The following TTN variants were observed in gnomAD, a reference collection of about 807,000 sequenced individuals.
TTN encodes titin, also known as connectin.
In TTN, 1,525 loss-of-function variants were observed where a neutral mutation model predicts 3,223.0. The ratio of observed to expected loss-of-function variants is 0.47; its 90% CI spans 0.45 to 0.49. The LOEUF (loss-of-function observed/expected upper bound fraction) is 0.49, where lower values mean the gene tolerates loss of function less well. Ranked by LOEUF, TTN falls within the 20% of genes least tolerant of loss-of-function variation. TTN has a pLI of 0.00. For missense variants in TTN, 40,786 were observed against 43,424.0 expected (o/e 0.94, Z 5.40); for synonymous variants, 14,094 against 15,161.0 (o/e 0.93, Z 5.17).
At position 178,559,669 on chromosome 2, in the gene TTN, T is replaced by C. The variant is rs368268066; in HGVS notation, c.86463A>G (p.Gly28821=). 109 of 1,612,058 alleles carry C rather than the reference T, an allele frequency of 6.8e-5. No homozygotes were observed. The highest frequency in any genetic ancestry group is 9.1e-5 in the Non-Finnish European group (107 of 1,179,078). ...TIENANRNDS[G]KYTLTIQNVL... ...CATTCTGAATTGTTAATGTGTACTTTCCAGAGTCATTTCTGTTGGCATTTT... is the reference window on the plus strand; with the variant it reads ...CATTCTGAATTGTTAATGTGTACTTCCCAGAGTCATTTCTGTTGGCATTTT... Residue 28821 remains glycine, a synonymous_variant, in exon 326 of 363, where the codon GGA becomes GGG. Transcript: ENST00000589042.
Position 178,570,167 on chromosome 2 carries a change from A to G in TTN, c.75965T>C (p.Ile25322Thr). ...AGATGCTGGTCTTTCCCATACAACA[A>G]TCATTGAGTCCTTGGTCACTGTTGT... ...EVTTVTKDSMIVVWERPASDG... is the reference protein window; with the variant it reads ...EVTTVTKDSMTVVWERPASDG... Residue 25322 changes from isoleucine (I) to threonine (T), a missense_variant, in exon 326 of 363, where the codon ATT (isoleucine) becomes ACT (threonine). Ile to Thr is a moderately conservative substitution (Grantham distance 89). Coordinates refer to ENST00000589042, the MANE Select transcript of TTN (RefSeq NM_001267550.2). 2.5e-6 allele frequency: 4 copies of G among 1,613,458 alleles called. No individual in the cohort carries two copies. Among genetic ancestry groups the G allele is most frequent in the Non-Finnish European group, 3.4e-6 (4 of 1,179,584 alleles).
chr2:178,776,317 T>G lies in TTN; in HGVS notation c.5547A>C (p.Pro1849=), dbSNP rs2092220567. The change falls in exon 28 of 363, where the codon CCA becomes CCC. Residue 1849 remains proline (P), a synonymous_variant. Transcript: ENST00000589042. ...QKPDIVLYPE[P]VRVLEGETAR... ...CAGTCTCCCCTTCAAGTACTCTAACTGGCTCTGGGTACAAGACAATGTCTG... is the reference window on the plus strand; with the variant it reads ...CAGTCTCCCCTTCAAGTACTCTAACGGGCTCTGGGTACAAGACAATGTCTG... 1 of 1,613,924 alleles carries G rather than the reference T, an allele frequency of 6.2e-7. No homozygotes were observed. Among genetic ancestry groups the G allele is most frequent in the Non-Finnish European group, 8.5e-7 (1 of 1,180,000 alleles).
At position 178,637,187 on chromosome 2, in the gene TTN, A is replaced by ATATCTATATATCTATC. The variant is rs1164479649; in HGVS notation, c.40927+181_40927+182insGATAGATATATAGATA. Among the ~76,000 whole-genome samples the ATATCTATATATCTATC allele has an allele frequency of 6.3e-4, 79 of 125,280 alleles. 1 individual carries two copies. The highest frequency in any genetic ancestry group is 2.4e-3 in the African/African-American group (78 of 32,840). 82.2% of individuals were successfully genotyped at this position (125,280 alleles called of 152,430 possible). On this transcript the variant is annotated intron_variant, in intron 224 of 362. Transcript: ENST00000589042. The stretch of plus-strand genomic sequence containing the variant: ...TATATATATATATATATATATATAT[A>ATATCTATATATCTATC]TATCTCCTTGCATAATACTAAAAGT...
At chr2:178,777,643 T>C in intron 25 of TTN, 59 bp from the exon 26 acceptor site, 1 of 1,613,568 alleles carries the variant, frequency 6.2e-7, no homozygotes, top group Middle Eastern at 1.7e-4. Context: ...AATTGTTAGA[T>C]GCATACATAA....
At position 178,575,157 on chromosome 2, in the gene TTN, C is replaced by T. The variant is rs376256345; in HGVS notation, c.70975G>A (p.Gly23659Ser). Residue 23659 changes from glycine to serine, a missense_variant, in exon 326 of 363, where the codon GGT (glycine) becomes AGT (serine). Transcript: ENST00000589042. This position sits in a 1 kb window ranked among gnomAD's most constrained non-coding sequence, Gnocchi z 4.0. ...CATGTCACTGTGGGCTTCGGTCGAC[C>T]GAGCACTGGAATTTCAACTTTGATG... ...DNIKVEIPVL[G>S]RPKPTVTWKK... is the part of the protein sequence containing the mutation. 55 of 1,612,450 alleles carry T rather than the reference C, an allele frequency of 3.4e-5. No homozygotes were observed. The highest frequency in any genetic ancestry group is 2.2e-4 in the Admixed American group (13 of 59,898).
chr2:178,621,594 T>C lies in TTN; in HGVS notation c.45230A>G (p.Glu15077Gly). ...DEEIIETGRYEILTEGRKRIL... is the reference protein window; with the variant it reads ...DEEIIETGRYGILTEGRKRIL... ...TCTCTTCCGTCCTTCAGTCAGTATT[T>C]CATATCTTCCTGTTTCAATGATCTC... is the stretch of plus-strand genomic sequence containing the variant. Residue 15077 changes from glutamate (E) to glycine (G), a missense_variant, in exon 245 of 363, where the codon GAA becomes GGA. Coordinates refer to ENST00000589042, the MANE Select transcript of TTN (RefSeq NM_001267550.2). The C allele has an allele frequency of 1.2e-6, 2 of 1,612,514 alleles. No individual in the cohort carries two copies. The highest frequency in any genetic ancestry group is 1.7e-6 in the Non-Finnish European group (2 of 1,179,086).
In TTN at chr2:178,528,261, A is replaced by T. The variant is rs758829300; in HGVS notation, c.107377+13T>A. On this transcript the variant is annotated intron_variant, in intron 361 of 362. Transcript: ENST00000589042. Reference sequence around the variant, plus strand: ...CTTAAACATGTAAGGAAGAAGGGTGAGGAGATACTTACGAAGGACCATTAA... The same window carrying T: ...CTTAAACATGTAAGGAAGAAGGGTGTGGAGATACTTACGAAGGACCATTAA... The T allele has an allele frequency of 6.2e-7, 1 of 1,612,842 alleles. No individual in the cohort carries two copies. Among genetic ancestry groups the T allele is most frequent in the East Asian group, 2.2e-5 (1 of 44,868 alleles).
chr2:178,684,521 C>T (rs2070310694), intron 131 of TTN, 108 bp from the exon 132 acceptor site: 2 of 1,382,946 alleles, frequency 1.4e-6, no homozygotes, highest in East Asian at 4.7e-5. Context: ...AAGGCACACA[C>T]ACAAAAACAT....
Position 178,790,708 on chromosome 2 carries a change from C to G in TTN, c.1800G>C (p.Lys600Asn). 1 of 1,614,008 alleles carries G rather than the reference C, an allele frequency of 6.2e-7. No individual in the cohort carries two copies. Among genetic ancestry groups the G allele is most frequent in the South Asian group, 1.1e-5 (1 of 91,068 alleles). ...TTTCACATTGGCAGGAAGTCATCAC[C>G]TTTTCATAACTTAGGTGCATTTGAT... ...QQDQMHLSYE[K>N]IMKETRKTVV... The change falls in exon 11 of 363, where the codon AAG (lysine) becomes AAC (asparagine). Residue 600 changes from lysine to asparagine, a missense_variant and splice_region_variant. Coordinates refer to ENST00000589042, the MANE Select transcript of TTN (RefSeq NM_001267550.2).
chr2:178,616,347 A>G, intron 257 of TTN, 132 bp downstream of exon 257: 6 of 1,247,474 alleles, frequency 4.8e-6, no homozygotes, highest in East Asian at 2.4e-5. Flanking sequence ...CATTCTTAAA[A>G]AGTTTTTGTA....
At chr2:178,786,702 C>A (rs1040000247) in intron 13 of TTN, among the ~76,000 whole-genome samples, 1 of 152,126 alleles carries the variant, frequency 6.6e-6, no homozygotes, top group Non-Finnish European at 1.5e-5. Context: ...TTATGATTCC[C>A]TAAGGGTAAG....
chr2:178,542,052 TA>T (rs541692347), intron 349 of TTN: 1,653 of 425,460 alleles, frequency 3.9e-3, no homozygotes, highest in East Asian at 5.3e-3. Flanking sequence ...GTGAAGATAT[TA>T]AAAAAAAAAT....
At chr2:178,642,128 A>T in intron 219 of TTN, 109 bp downstream of exon 219, 2 of 841,082 alleles carry the variant, frequency 2.4e-6, no homozygotes, top group Non-Finnish European at 3.4e-6. Context: ...AATTTTGATA[A>T]ATAGCGAACC....
chr2:178,650,304 T>C, intron 209 of TTN, 33 bp from the exon 210 acceptor site: 1 of 1,500,182 alleles, frequency 6.7e-7, no homozygotes, highest in Non-Finnish European at 9.0e-7. Context: ...TATTTCAATG[T>C]ATGGAACAAT....
Position 178,717,535 on chromosome 2 carries a change from G to A in TTN, c.25339C>T (p.Leu8447Phe). 6.2e-7 allele frequency: 1 copy of A among 1,604,628 alleles called. No homozygotes were observed. The highest frequency in any genetic ancestry group is 8.5e-7 in the Non-Finnish European group (1 of 1,174,356). Residue 8447 changes from leucine to phenylalanine, a missense_variant, in exon 87 of 363, where the codon CTC becomes TTC. Transcript: ENST00000589042. Reference protein sequence around the residue: ...PLGTASSSAKLILSEHEVPPF... With the variant: ...PLGTASSSAKFILSEHEVPPF... ...GTGAGTTACTCACCTGAGAGAATGAGCTTGGCACTGGATGAAGCAGTCCCA... is the reference window on the plus strand; with the variant it reads ...GTGAGTTACTCACCTGAGAGAATGAACTTGGCACTGGATGAAGCAGTCCCA...
At chr2:178,642,816 T>A (rs544782818) in intron 218 of TTN, among the ~76,000 whole-genome samples, 2 of 152,132 alleles carry the variant, frequency 1.3e-5, no homozygotes, top group East Asian at 3.9e-4. Flanking sequence ...TCTCACTTTC[T>A]GAACAGAAGA....
intron 316 of TTN, 126 bp from the exon 317 acceptor site, chr2:178,580,735 C>T (rs375747370): frequency 1.1e-6 from 1 of 904,878 alleles, no homozygotes; most frequent in East Asian, 2.6e-5. Context: ...TTAAAACTTC[C>T]TTAATACAAT....
At position 178,615,726 on chromosome 2, in the gene TTN, G is replaced by T; in HGVS notation, c.48375C>A (p.Tyr16125Ter). The T allele has an allele frequency of 6.2e-7, 1 of 1,612,292 alleles. No homozygotes were observed. The highest frequency in any genetic ancestry group is 8.5e-7 in the Non-Finnish European group (1 of 1,178,864). ...TVPDLVQGKE[Y>*]LFKVCARNKC... The stretch of plus-strand genomic sequence containing the variant: ...TGTTACGAGCACAAACTTTAAATAA[G>T]TACTCTTTTCCTTGAACAAGATCAG... Residue 16125 changes from tyrosine (Y) to a stop codon, truncating the protein, a stop_gained, in exon 258 of 363, where the codon TAC becomes TAA. Transcript: ENST00000589042. LOFTEE classifies it high-confidence loss of function.
intron 288 of TTN, chr2:178,600,609 G>T (rs1239397176): frequency 7.7e-6 from 4 of 520,074 alleles, no homozygotes; most frequent in African/African-American, 5.7e-5. Flanking sequence ...AGACTGCGAG[G>T]AAAATTACAG....
Sources: gnomAD v4.1 joint callset for allele counts (sites outside exome capture counted in the v4.1 genomes callset) on GRCh38, gnomAD v4.1.1 for gene constraint, Gnocchi (gnomAD v3.1) non-coding constraint, MANE v1.5 for transcripts, NCBI Gene and HGNC (gene_info 2026-07-23, HGNC 2026-07-21) for gene names.